KCNMA1: variants seen among roughly 807,000 people sequenced by gnomAD.
KCNMA1 encodes Calcium-activated potassium channel subunit alpha-1.
KCNMA1 carries 29 observed loss-of-function variants against 140.0 expected under a neutral mutation model. The observed-to-expected ratio is 0.21, with a 90% confidence interval of 0.15 to 0.28. The LOEUF is 0.28. Among genes scored for constraint, KCNMA1 ranks in the 10% least tolerant of loss-of-function variants. The probability of loss-of-function intolerance (pLI) is 1.00; values close to 1 mark genes in which losing one functional copy is unlikely to be tolerated. For synonymous variants in KCNMA1, 612 were observed against 611.9 expected, an observed-to-expected ratio of 1.00 and a Z score of 0.00; for missense variants, 880 against 1,602.2, an observed-to-expected ratio of 0.55 and a Z score of 7.70.
chr10:77,602,208 C>T (rs1009092547), intron 1 of KCNMA1, among the ~76,000 whole-genome samples: 5 of 152,138 alleles, frequency 3.3e-5, no homozygotes, highest in Admixed American at 6.5e-5. Context: ...GACGGGGATG[C>T]GCTTGTGATA....
rs187031064 is a variant in KCNMA1, at chr10:77,444,837, C to T, written c.379-40814G>A. ...GAGGAAAAACACACCCAAGAGTTAC[C>T]GAGTCCCTTCTGTGGTTGGGTCCTT... On this transcript the variant is annotated intron_variant, in intron 1 of 27. Transcript: ENST00000286628. Among the ~76,000 whole-genome samples, 5 of 152,254 alleles carry T rather than the reference C, an allele frequency of 3.3e-5. No individual in the cohort carries two copies. The East Asian group carries it at 5.8e-4, about 18-fold the overall frequency.
At chr10:77,522,419 A>G (rs1282862108) in intron 1 of KCNMA1, among the ~76,000 whole-genome samples, 1 of 152,090 alleles carries the variant, frequency 6.6e-6, no homozygotes, top group East Asian at 1.9e-4. Flanking sequence ...CCTCCTCCTT[A>G]ACACTCTCCA....
At chr10:76,927,688 T>G (rs1361412501) in intron 23 of KCNMA1, among the ~76,000 whole-genome samples, 2 of 152,172 alleles carry the variant, frequency 1.3e-5, no homozygotes, top group Non-Finnish European at 2.9e-5. Context: ...CAACCCACAA[T>G]TACAACATTG....
intron 5 of KCNMA1, among the ~76,000 whole-genome samples, chr10:77,151,448 G>A (rs113812291): frequency 8.2e-5 from 10 of 122,468 alleles, no homozygotes; most frequent in South Asian, 2.9e-4. Context: ...GGATGGTCTC[G>A]ATCTCTTGAC....
intron 20 of KCNMA1, among the ~76,000 whole-genome samples, chr10:76,964,348 C>G (rs1356877755): frequency 6.6e-6 from 1 of 152,058 alleles, no homozygotes; most frequent in Non-Finnish European, 1.5e-5. Flanking sequence ...AAATGGTTGC[C>G]TTTATGTTTG....
chr10:77,330,351 T>C (rs1264439118), intron 2 of KCNMA1, among the ~76,000 whole-genome samples: 1 of 152,182 alleles, frequency 6.6e-6, no homozygotes, highest in Non-Finnish European at 1.5e-5. Context: ...CACTTCCTCA[T>C]CATTCTGTCA....
In KCNMA1 at chr10:77,084,748, A is replaced by G. The variant is rs771935565; in HGVS notation, c.1441-29T>C. The G allele has an allele frequency of 1.7e-5, 26 of 1,500,590 alleles. 1 individual carries two copies. Among genetic ancestry groups the G allele is most frequent in the Non-Finnish European group, 2.1e-5 (23 of 1,077,008 alleles). The allele number at this position is 1,500,590 out of a possible 1,614,324, so 93.0% of individuals were successfully genotyped here. Reference sequence around the variant, plus strand: ...AGACACCGAAAGGAAAATTCACAGAACACAAACATATAAATAGCCATGCTC... The same window carrying G: ...AGACACCGAAAGGAAAATTCACAGAGCACAAACATATAAATAGCCATGCTC... On this transcript the variant is annotated intron_variant, in intron 11 of 27. Coordinates refer to ENST00000286628, the MANE Select transcript of KCNMA1 (RefSeq NM_001161352.2).
intron 3 of KCNMA1, among the ~76,000 whole-genome samples, chr10:77,221,658 A>G (rs1423710258): frequency 6.6e-6 from 1 of 152,176 alleles, no homozygotes; most frequent in Non-Finnish European, 1.5e-5. Context: ...ACAGATATAT[A>G]CACTTGCTAT....
intron 12 of KCNMA1, among the ~76,000 whole-genome samples, chr10:77,081,987 G>A (rs973916973): frequency 5.5e-5 from 6 of 108,708 alleles, no homozygotes; most frequent in African/African-American, 1.0e-4. Flanking sequence ...CCTTTGACCA[G>A]TAATTTCTTT....
At chr10:77,242,358 A>G (rs1003359915) in intron 3 of KCNMA1, among the ~76,000 whole-genome samples, 2 of 152,166 alleles carry the variant, frequency 1.3e-5, no homozygotes, top group Non-Finnish European at 2.9e-5. Flanking sequence ...ACTTTAGCGT[A>G]TACTGAAAAT....
chr10:77,025,281 T>TATAC (rs1394239548), intron 16 of KCNMA1, among the ~76,000 whole-genome samples: 48 of 122,270 alleles, frequency 3.9e-4, no homozygotes, highest in Middle Eastern at 4.4e-3. Context: ...TATATATATA[T>TATAC]ACACACACAC....
rs551374413 is a variant in KCNMA1, at chr10:77,438,959, C to G, written c.379-34936G>C. On this transcript the variant is annotated intron_variant, in intron 1 of 27. Transcript: ENST00000286628. ...GGGGTGATGGTGCATGCCTGTGGTC[C>G]CAGCTACTCGGGAGGCTGAAACAGG... Among the ~76,000 whole-genome samples, 8 of 152,156 alleles carry G rather than the reference C, an allele frequency of 5.3e-5. 1 individual carries two copies. The East Asian group carries it at 1.6e-3, about 30-fold the overall frequency.
intron 2 of KCNMA1, among the ~76,000 whole-genome samples, chr10:77,291,457 C>T (rs546149934): frequency 6.6e-6 from 1 of 152,246 alleles, no homozygotes; most frequent in South Asian, 2.1e-4. Context: ...CCATAAATTA[C>T]CCACATAAAT....
chr10:77,311,523 T>C (rs1264513140), intron 2 of KCNMA1, among the ~76,000 whole-genome samples: 3 of 152,204 alleles, frequency 2.0e-5, no homozygotes, highest in Admixed American at 6.5e-5. Flanking sequence ...CACATGTTGA[T>C]GGTTACAGCT....
intron 18 of KCNMA1, 111 bp downstream of exon 18, chr10:77,011,856 C>T: frequency 2.1e-6 from 2 of 934,338 alleles, no homozygotes; most frequent in Non-Finnish European, 3.5e-6. Flanking sequence ...CATAAACATA[C>T]TCAAGAAAAC....
intron 9 of KCNMA1, among the ~76,000 whole-genome samples, chr10:77,104,529 A>T (rs370501394): frequency 6.6e-6 from 1 of 152,276 alleles, no homozygotes; most frequent in East Asian, 1.9e-4. Context: ...ACCAGGAATC[A>T]GTAGAATAAT....
chr10:77,618,283 G>T (rs1174702853), intron 1 of KCNMA1, among the ~76,000 whole-genome samples: 2 of 152,144 alleles, frequency 1.3e-5, no homozygotes, highest in Non-Finnish European at 2.9e-5. Context: ...TTAAGTCATT[G>T]ACATGTTGAC....
intron 5 of KCNMA1, among the ~76,000 whole-genome samples, chr10:77,134,404 T>C (rs900028258): frequency 6.6e-6 from 1 of 152,106 alleles, no homozygotes; most frequent in Non-Finnish European, 1.5e-5. Flanking sequence ...CATCATGAAG[T>C]AGATAATATA....
intron 5 of KCNMA1, among the ~76,000 whole-genome samples, chr10:77,138,310 C>A (rs2098092938): frequency 6.6e-6 from 1 of 152,234 alleles, no homozygotes; most frequent in Non-Finnish European, 1.5e-5. Context: ...GGTCACCCAT[C>A]CTGGGGTGCA....
Sources: gnomAD v4.1 joint callset for allele counts (sites outside exome capture counted in the v4.1 genomes callset) on GRCh38, gnomAD v4.1.1 for gene constraint, MANE v1.5 for transcripts, NCBI Gene and HGNC (gene_info 2026-07-23, HGNC 2026-07-21) for gene names.